SLC4A10: variants seen among roughly 807,000 people sequenced by gnomAD.
The protein encoded by SLC4A10 is sodium-driven chloride bicarbonate exchanger.
A neutral mutation model predicts 137.7 loss-of-function variants in SLC4A10; 42 were observed. That is an observed-to-expected ratio of 0.30 (90% CI 0.24 to 0.39). SLC4A10 has a LOEUF of 0.39. Among genes scored for constraint, SLC4A10 ranks in the 10% least tolerant of loss-of-function variants. The pLI, the probability that SLC4A10 is intolerant of heterozygous loss-of-function variation, is 1.00. For synonymous variants in SLC4A10, 474 were observed against 464.1 expected (o/e 1.02, Z -0.27); for missense variants, 925 against 1,355.0 (o/e 0.68, Z 4.98).
At chr2:161,795,277 C>T (rs1345307084) in intron 2 of SLC4A10, among the ~76,000 whole-genome samples, 2 of 152,160 alleles carry the variant, frequency 1.3e-5, no homozygotes, top group Admixed American at 1.3e-4. Context: ...TCAAGAAACA[C>T]TTACTGAGCT....
intron 24 of SLC4A10, among the ~76,000 whole-genome samples, chr2:161,974,976 C>A (rs1699153317): frequency 2.0e-5 from 3 of 152,002 alleles, no homozygotes; most frequent in Admixed American, 6.6e-5. Flanking sequence ...AATTAGTGCC[C>A]AATTTTATAG....
chr2:161,793,915 T>G (rs547621751), intron 2 of SLC4A10, among the ~76,000 whole-genome samples: 1 of 152,156 alleles, frequency 6.6e-6, no homozygotes, highest in Non-Finnish European at 1.5e-5. Flanking sequence ...TTTCCTGTAA[T>G]GATAATTGCC....
At chr2:161,717,438 T>C (rs1384964663) in intron 1 of SLC4A10, among the ~76,000 whole-genome samples, 1 of 152,204 alleles carries the variant, frequency 6.6e-6, no homozygotes, top group Non-Finnish European at 1.5e-5. Context: ...TTGTCATAAA[T>C]GGCTTTTATT....
chr2:161,818,244 T>A (rs1002559200), intron 3 of SLC4A10, among the ~76,000 whole-genome samples: 3 of 152,204 alleles, frequency 2.0e-5, no homozygotes, highest in Admixed American at 6.5e-5. Flanking sequence ...TTGAAGCAAT[T>A]GTGAATGGGA....
chr2:161,763,502 C>T lies in SLC4A10; in HGVS notation c.49-7471C>T, dbSNP rs113677012. On this transcript the variant is annotated intron_variant, in intron 1 of 26. Transcript: ENST00000446997. ...GGAAATCAACTAGGGTTCATGAAATCTTGGAGACCTGCAACAACAGGAATC... is the reference window on the plus strand; with the variant it reads ...GGAAATCAACTAGGGTTCATGAAATTTTGGAGACCTGCAACAACAGGAATC... Among the ~76,000 whole-genome samples the T allele has an allele frequency of 6.2e-3, 951 of 152,188 alleles. 10 individuals are homozygous for T. Among genetic ancestry groups the T allele is most frequent in the African/African-American group, 0.022 (902 of 41,556 alleles).
intron 1 of SLC4A10, among the ~76,000 whole-genome samples, chr2:161,628,872 A>G (rs1037075377): frequency 6.6e-6 from 1 of 151,994 alleles, no homozygotes; most frequent in Non-Finnish European, 1.5e-5. Context: ...AAAAATATTG[A>G]GATCAGATTA....
At chr2:161,735,433 G>A (rs1237811451) in intron 1 of SLC4A10, among the ~76,000 whole-genome samples, 2 of 151,878 alleles carry the variant, frequency 1.3e-5, no homozygotes, top group Non-Finnish European at 2.9e-5. Flanking sequence ...AAATGACTCA[G>A]ACATTTCATG....
chr2:161,749,738 G>T (rs1298388163), intron 1 of SLC4A10, among the ~76,000 whole-genome samples: 2 of 151,692 alleles, frequency 1.3e-5, no homozygotes, highest in East Asian at 1.9e-4. Flanking sequence ...TGTTCTTGTG[G>T]TGTCTTTGTC....
At chr2:161,832,804 G>A (rs1214893182) in intron 3 of SLC4A10, among the ~76,000 whole-genome samples, 9 of 152,066 alleles carry the variant, frequency 5.9e-5, no homozygotes, top group Admixed American at 5.9e-4. Flanking sequence ...GCAGTGGCGC[G>A]ATCTCAGCTT....
chr2:161,644,232 C>T (rs1333985308), intron 1 of SLC4A10, among the ~76,000 whole-genome samples: 1 of 152,086 alleles, frequency 6.6e-6, no homozygotes. Context: ...CATAGTTGCT[C>T]ACACCTGTAT....
intron 3 of SLC4A10, among the ~76,000 whole-genome samples, chr2:161,828,150 T>A (rs890796201): frequency 6.6e-6 from 1 of 152,192 alleles, no homozygotes; most frequent in African/African-American, 2.4e-5. Context: ...TTCACTCCAG[T>A]TTTCCTATGA....
chr2:161,689,954 C>T (rs1156788192), intron 1 of SLC4A10, among the ~76,000 whole-genome samples: 1 of 152,132 alleles, frequency 6.6e-6, no homozygotes, highest in Non-Finnish European at 1.5e-5. Context: ...CTTTTCTGTT[C>T]TCTGAAGAAT....
At chr2:161,921,291 C>T (rs748172818) in intron 15 of SLC4A10, among the ~76,000 whole-genome samples, 9 of 152,114 alleles carry the variant, frequency 5.9e-5, no homozygotes, top group Middle Eastern at 3.2e-3. Flanking sequence ...AGAGTAGTTA[C>T]GCAGAGTAGA....
intron 4 of SLC4A10, among the ~76,000 whole-genome samples, chr2:161,848,825 G>C (rs535647568): frequency 6.6e-6 from 1 of 152,190 alleles, no homozygotes; most frequent in South Asian, 2.1e-4. Context: ...GATGCCTCCA[G>C]CTTCATTCTT....
intron 4 of SLC4A10, among the ~76,000 whole-genome samples, chr2:161,850,848 A>G (rs2059788892): frequency 6.6e-6 from 1 of 152,092 alleles, no homozygotes. Flanking sequence ...GTCGACATTT[A>G]GCAGTATAAA....
intron 1 of SLC4A10, among the ~76,000 whole-genome samples, chr2:161,681,809 AC>A (rs2040883299): frequency 6.6e-6 from 1 of 151,864 alleles, no homozygotes; most frequent in Non-Finnish European, 1.5e-5. Flanking sequence ...TGGAATGAAA[AC>A]CTAATTGTGG....
chr2:161,895,345 C>T (rs539664276), intron 11 of SLC4A10, among the ~76,000 whole-genome samples: 1 of 152,178 alleles, frequency 6.6e-6, no homozygotes, highest in Non-Finnish European at 1.5e-5. Flanking sequence ...CAAGTCTTTG[C>T]TATTGTGAAT....
intron 24 of SLC4A10, among the ~76,000 whole-genome samples, 170 bp downstream of exon 24, chr2:161,974,486 T>C (rs1699072133): frequency 1.3e-5 from 2 of 152,298 alleles, no homozygotes; most frequent in South Asian, 4.1e-4. Flanking sequence ...TTGCCAATAA[T>C]AGCCGTGTGA....
chr2:161,819,772 G>C (rs1209894704), intron 3 of SLC4A10, among the ~76,000 whole-genome samples: 1 of 152,154 alleles, frequency 6.6e-6, no homozygotes, highest in Non-Finnish European at 1.5e-5. Flanking sequence ...GGGATTACAG[G>C]AATGAGCCAC....
Sources: gnomAD v4.1 joint callset for allele counts (sites outside exome capture counted in the v4.1 genomes callset) on GRCh38, gnomAD v4.1.1 for gene constraint, MANE v1.5 for transcripts, NCBI Gene and HGNC (gene_info 2026-07-23, HGNC 2026-07-21) for gene names.